Variants in NFATC1 observed in about 807,000 individuals in gnomAD.
The protein encoded by NFATC1 is nuclear factor of activated T-cells, cytoplasmic 1.
In NFATC1, 22 loss-of-function variants were observed where a neutral mutation model predicts 76.0. The observed-to-expected ratio is 0.29, with a 90% CI of 0.21 to 0.41. The LOEUF is 0.41. Among genes scored for constraint, NFATC1 ranks in the 10% least tolerant of loss-of-function variants. The probability of loss-of-function intolerance (pLI) is 1.00; values close to 1 mark genes in which losing one functional copy is unlikely to be tolerated. For missense variants in NFATC1, 1,357 were observed against 1,337.7 expected, an observed-to-expected ratio of 1.01 and a Z score of -0.23; for synonymous variants, 704 against 613.1, an observed-to-expected ratio of 1.15 and a Z score of -2.19.
intron 2 of NFATC1, among the ~76,000 whole-genome samples, chr18:79,426,061 A>G (rs2086317892): frequency 6.6e-6 from 1 of 151,906 alleles, no homozygotes. Flanking sequence ...AAAATATAAC[A>G]ATTAGCCAGG....
At chr18:79,462,330 A>G (rs1044226424) in intron 7 of NFATC1, among the ~76,000 whole-genome samples, 3 of 151,880 alleles carry the variant, frequency 2.0e-5, no homozygotes, top group Non-Finnish European at 4.4e-5. Context: ...TTAGGTCTTT[A>G]GTTTTGTTTG....
intron 6 of NFATC1, among the ~76,000 whole-genome samples, chr18:79,455,028 C>T (rs991117256): frequency 6.6e-5 from 10 of 152,186 alleles, no homozygotes; most frequent in Non-Finnish European, 1.2e-4. Flanking sequence ...GAAGAACGCC[C>T]GCGTGAAACG....
At chr18:79,430,011 C>T (rs185758400) in intron 2 of NFATC1, among the ~76,000 whole-genome samples, 4 of 152,346 alleles carry the variant, frequency 2.6e-5, no homozygotes, top group Admixed American at 6.5e-5. Flanking sequence ...AGCCACATGC[C>T]GTGCAGACGT....
At chr18:79,488,199 A>G (rs138277458) in intron 9 of NFATC1, among the ~76,000 whole-genome samples, 44 of 152,206 alleles carry the variant, frequency 2.9e-4, no homozygotes, top group Admixed American at 4.6e-4. Flanking sequence ...AGGAGGATGC[A>G]TGCAAATATT....
intron 2 of NFATC1, 124 bp downstream of exon 2, chr18:79,411,625 G>C: frequency 4.2e-6 from 3 of 709,296 alleles, no homozygotes; most frequent in Non-Finnish European, 5.5e-6. Flanking sequence ...CAGGACCTGG[G>C]TGGGCAGGTG....
rs1224667390 is a variant in NFATC1, at chr18:79,524,564, G to A, written c.2783-2964G>A. Among the ~76,000 whole-genome samples, 4 of 152,190 alleles carry A rather than the reference G, an allele frequency of 2.6e-5. No homozygotes were observed. The highest frequency in any genetic ancestry group is 4.4e-5 in the Non-Finnish European group (3 of 68,014). On this transcript the variant is annotated intron_variant, in intron 9 of 9. Transcript: ENST00000427363. This position sits in a 1 kb window ranked among gnomAD's most constrained non-coding sequence, Gnocchi z 7.2. Reference sequence around the variant, plus strand: ...CACACTTGACCCGGCGCTGGGACGGGGTCGGCCCACACGCACCGCCAGCCC... The same window carrying A: ...CACACTTGACCCGGCGCTGGGACGGAGTCGGCCCACACGCACCGCCAGCCC...
At chr18:79,438,378 G>C (rs1397328063) in intron 3 of NFATC1, among the ~76,000 whole-genome samples, 1 of 152,182 alleles carries the variant, frequency 6.6e-6, no homozygotes, top group Non-Finnish European at 1.5e-5. Context: ...CACGTCCCCG[G>C]CCCTCGGCCT....
intron 8 of NFATC1, among the ~76,000 whole-genome samples, chr18:79,484,178 C>T (rs567458260): frequency 3.2e-4 from 48 of 152,202 alleles, no homozygotes; most frequent in African/African-American, 1.1e-3. Flanking sequence ...GAGGCAGCCC[C>T]TGGCCTCATC....
rs919598363 is a variant in NFATC1, at chr18:79,487,837, G to A, written c.2782+900G>A. Among the ~76,000 whole-genome samples the A allele has an allele frequency of 2.0e-5, 3 of 152,246 alleles. No individual in the cohort carries two copies. The South Asian group carries it at 6.2e-4, about 31-fold the overall frequency. On this transcript the variant is annotated intron_variant, in intron 9 of 9. Transcript: ENST00000427363. ...TGCGCGTTGTGATCGGGGCGTGCCCGCGGCCCTGGTGACCACGCGTTAGAG... is the reference window on the plus strand; with the variant it reads ...TGCGCGTTGTGATCGGGGCGTGCCCACGGCCCTGGTGACCACGCGTTAGAG...
chr18:79,405,588 TG>T (rs917301568), intron 1 of NFATC1, among the ~76,000 whole-genome samples: 22 of 152,330 alleles, frequency 1.4e-4, no homozygotes, highest in African/African-American at 5.3e-4. Context: ...GCTTGGCCTC[TG>T]GGGGCAGCTT....
At chr18:79,470,517 G>A (rs1486577816) in intron 8 of NFATC1, 2 of 152,210 alleles carry the variant, frequency 1.3e-5, no homozygotes, top group African/African-American at 4.8e-5. Flanking sequence ...CTCATTGTAG[G>A]TTTTCCTTCA....
At chr18:79,416,879 G>A (rs2085895333) in intron 2 of NFATC1, among the ~76,000 whole-genome samples, 1 of 152,360 alleles carries the variant, frequency 6.6e-6, no homozygotes, top group East Asian at 1.9e-4. Context: ...ACAAGCCTCA[G>A]CTGGCCTCCT....
intron 8 of NFATC1, chr18:79,469,810 C>T: frequency 1.0e-6 from 1 of 985,488 alleles, no homozygotes; most frequent in Non-Finnish European, 1.2e-6. Flanking sequence ...AGCACACTGA[C>T]CAGCCCCACC....
chr18:79,470,958 A>G (rs1282398895), intron 8 of NFATC1: 1 of 152,136 alleles, frequency 6.6e-6, no homozygotes, highest in Admixed American at 6.5e-5. Flanking sequence ...AGCAGAATGT[A>G]TGAGCCCCAT....
At chr18:79,495,371 A>T (rs906514225) in intron 9 of NFATC1, among the ~76,000 whole-genome samples, 1 of 152,244 alleles carries the variant, frequency 6.6e-6, no homozygotes, top group Non-Finnish European at 1.5e-5. Context: ...TGCTGTTTCT[A>T]GTTGAAATAT....
At chr18:79,464,699 T>TA (rs1568994752) in intron 7 of NFATC1, among the ~76,000 whole-genome samples, 2 of 83,812 alleles carry the variant, frequency 2.4e-5, no homozygotes, top group African/African-American at 1.2e-4. Flanking sequence ...TATATATTTA[T>TA]TTATTTATTT....
chr18:79,520,434 C>G (rs905143830), intron 9 of NFATC1, among the ~76,000 whole-genome samples: 30 of 151,800 alleles, frequency 2.0e-4, no homozygotes, highest in Non-Finnish European at 4.3e-4. Flanking sequence ...ACCTGCCTCC[C>G]CCACCCCCAC....
At chr18:79,449,691 G>A (rs974177240) in intron 4 of NFATC1, among the ~76,000 whole-genome samples, 2 of 152,194 alleles carry the variant, frequency 1.3e-5, no homozygotes, top group South Asian at 2.1e-4. Flanking sequence ...CAGGGACGGC[G>A]TCCTGCGAGG....
At chr18:79,405,941 C>G (rs1033622903) in intron 1 of NFATC1, among the ~76,000 whole-genome samples, 15 of 152,188 alleles carry the variant, frequency 9.9e-5, no homozygotes, top group African/African-American at 3.6e-4. Flanking sequence ...CGCCTGGGCC[C>G]CCGTCACAGA....
Sources: gnomAD v4.1 joint callset for allele counts (sites outside exome capture counted in the v4.1 genomes callset) on GRCh38, gnomAD v4.1.1 for gene constraint, Gnocchi (gnomAD v3.1) non-coding constraint, MANE v1.5 for transcripts, NCBI Gene and HGNC (gene_info 2026-07-23, HGNC 2026-07-21) for gene names.